Variants in MALL observed in about 807,000 individuals in gnomAD.
MALL encodes the protein MAL-like protein.
MALL carries 2 observed loss-of-function variants against 10.3 expected under a neutral mutation model. That is an observed-to-expected ratio of 0.19 (90% CI 0.08 to 0.61). The LOEUF (loss-of-function observed/expected upper bound fraction) is 0.61. Among genes scored for constraint, MALL ranks in the 20% least tolerant of loss-of-function variants. The pLI is 0.88. For synonymous variants in MALL, 27 were observed against 51.8 expected (o/e 0.52, Z 2.05); for missense variants, 39 against 115.2 (o/e 0.34, Z 3.03).
At chr2:110,113,279 C>CAA (rs551434609) in intron 1 of MALL, among the ~76,000 whole-genome samples, 1 of 144,736 alleles carries the variant, frequency 6.9e-6, no homozygotes, top group South Asian at 2.2e-4. Context: ...ACTAAAAATA[C>CAA]AAAAAAAAAA....
chr2:110,098,745 C>T (rs972626333), intron 1 of MALL, among the ~76,000 whole-genome samples: 18 of 152,162 alleles, frequency 1.2e-4, no homozygotes, highest in Non-Finnish European at 2.5e-4. Context: ...TGGCTCACAC[C>T]TGTAATCCCA....
rs1358794710 is a variant in MALL at position 110,115,735 on chromosome 2, C to T, written c.58G>A (p.Val20Ile). Residue 20 changes from valine to isoleucine, a missense_variant, in exon 1 of 4, where the codon GTC becomes ATC. This residue lies in a region of MALL where 39 missense variants were observed against 48.0 expected (regional missense o/e 0.81). Transcript: ENST00000272462. ...SYAPSDVPSG[V>I]ALFLTIPFAF... ...AAAGGGATGGTGAGGAACAGCGCGA[C>T]CCCCGAGGGCACGTCGGACGGGGCG... 9 of 1,292,356 alleles carry T rather than the reference C, an allele frequency of 7.0e-6. No individual in the cohort carries two copies. Among genetic ancestry groups the T allele is most frequent in the East Asian group, 5.8e-5 (2 of 34,438 alleles). 80.1% of individuals were successfully genotyped at this position (1,292,356 alleles called of 1,614,324 possible).
At chr2:110,110,374 C>T (rs373214992) in intron 1 of MALL, among the ~76,000 whole-genome samples, 12 of 151,854 alleles carry the variant, frequency 7.9e-5, no homozygotes, top group Non-Finnish European at 5.9e-5. Context: ...CACTAAGAAA[C>T]GAAACAGGAG....
intron 1 of MALL, among the ~76,000 whole-genome samples, chr2:110,115,275 C>A (rs973600606): frequency 6.6e-6 from 1 of 152,198 alleles, no homozygotes; most frequent in African/African-American, 2.4e-5. Context: ...AATTCATGTG[C>A]AACATCTCCC....
At chr2:110,114,756 TC>T (rs1031481964) in intron 1 of MALL, among the ~76,000 whole-genome samples, 3 of 151,274 alleles carry the variant, frequency 2.0e-5, no homozygotes, top group African/African-American at 7.3e-5. Flanking sequence ...TTCTATCTTT[TC>T]CCCCCTGCTC....
intron 1 of MALL, among the ~76,000 whole-genome samples, chr2:110,092,822 G>A (rs1315687592): frequency 1.0e-5 from 1 of 97,530 alleles, no homozygotes. Flanking sequence ...TTCCTGGAGT[G>A]CAACCTTTAG....
At chr2:110,108,645 G>A (rs1309261868) in intron 1 of MALL, among the ~76,000 whole-genome samples, 3 of 152,166 alleles carry the variant, frequency 2.0e-5, no homozygotes, top group Admixed American at 1.3e-4. Flanking sequence ...AAACTTTCCT[G>A]ACCTTGTGAG....
chr2:110,099,654 T>C (rs1678519910), intron 1 of MALL, among the ~76,000 whole-genome samples: 4 of 152,228 alleles, frequency 2.6e-5, no homozygotes, highest in East Asian at 1.9e-4. Context: ...CCCATGCCAT[T>C]AGGCTCATCA....
At chr2:110,099,858 C>G (rs529435798) in intron 1 of MALL, among the ~76,000 whole-genome samples, 1 of 152,138 alleles carries the variant, frequency 6.6e-6, no homozygotes, top group East Asian at 1.9e-4. Flanking sequence ...CCAGATGACA[C>G]GACCGAGCTG....
At chr2:110,097,371 C>T (rs995685214) in intron 1 of MALL, 1 of 435,926 alleles carries the variant, frequency 2.3e-6, no homozygotes, top group African/African-American at 2.0e-5. Flanking sequence ...CACGTTTAAA[C>T]TAACCCCAAA....
intron 1 of MALL, among the ~76,000 whole-genome samples, chr2:110,097,107 AAGAG>A (rs386390887): frequency 6.6e-6 from 1 of 151,710 alleles, no homozygotes; most frequent in African/African-American, 2.4e-5. Context: ...AAAAAAAAAA[AAGAG>A]AGAGAAAATT....
chr2:110,100,531 G>A (rs754494773), intron 1 of MALL, among the ~76,000 whole-genome samples: 3 of 151,944 alleles, frequency 2.0e-5, no homozygotes, highest in Non-Finnish European at 4.4e-5. Context: ...AGCGTTTTGT[G>A]TACAGGAAAG....
At chr2:110,100,058 C>G (rs998574405) in intron 1 of MALL, among the ~76,000 whole-genome samples, 11 of 152,088 alleles carry the variant, frequency 7.2e-5, no homozygotes, top group African/African-American at 2.2e-4. Context: ...ACTCAGGACA[C>G]CCACCCTCAC....
At chr2:110,113,985 C>A (rs1270250239) in intron 1 of MALL, among the ~76,000 whole-genome samples, 1 of 152,024 alleles carries the variant, frequency 6.6e-6, no homozygotes, top group Admixed American at 6.6e-5. Flanking sequence ...CCTCACCCCC[C>A]ACAACACGTA....
intron 1 of MALL, among the ~76,000 whole-genome samples, chr2:110,098,280 A>G (rs1678487342): frequency 6.6e-6 from 1 of 151,904 alleles, no homozygotes; most frequent in Non-Finnish European, 1.5e-5. Context: ...AGTGGCATTC[A>G]TGTTCATTCA....
intron 1 of MALL, among the ~76,000 whole-genome samples, chr2:110,098,776 G>T (rs1416874400): frequency 6.6e-6 from 1 of 152,112 alleles, no homozygotes; most frequent in Non-Finnish European, 1.5e-5. Context: ...AGGCCAAGGT[G>T]GGGATCACTC....
intron 1 of MALL, among the ~76,000 whole-genome samples, chr2:110,100,878 G>T (rs948590391): frequency 6.6e-6 from 1 of 152,186 alleles, no homozygotes; most frequent in Non-Finnish European, 1.5e-5. Context: ...CGCTGTCAGG[G>T]AGAGTGGGAG....
chr2:110,096,042 C>A (rs1164558732), intron 1 of MALL, among the ~76,000 whole-genome samples: 1 of 152,124 alleles, frequency 6.6e-6, no homozygotes, highest in Non-Finnish European at 1.5e-5. Flanking sequence ...GAAAGAGAAG[C>A]CGGCAAAAAA....
intron 1 of MALL, among the ~76,000 whole-genome samples, chr2:110,102,230 C>CTCCCCAGCTGA (rs1341639690): frequency 1.3e-5 from 2 of 152,168 alleles, no homozygotes; most frequent in African/African-American, 4.8e-5. Flanking sequence ...CTGCTTGGCT[C>CTCCCCAGCTGA]TCCCCAGCTG....
Sources: allele counts gnomAD v4.1 joint callset (sites outside exome capture counted in the v4.1 genomes callset), GRCh38; gene constraint gnomAD v4.1.1; regional missense constraint gnomAD v4.1.1; transcripts MANE v1.5; gene names NCBI Gene and HGNC (gene_info 2026-07-23, HGNC 2026-07-21).